CACNB4: variants seen among roughly 807,000 people sequenced by gnomAD.
CACNB4 encodes the protein calcium voltage-gated channel auxiliary subunit beta 4, also known as voltage-dependent L-type calcium channel subunit beta-4.
CACNB4 carries 32 observed loss-of-function variants against 71.2 expected under a neutral mutation model. The ratio of observed to expected loss-of-function variants is 0.45; its 90% CI spans 0.34 to 0.60. CACNB4 has a LOEUF of 0.60. Ranked by LOEUF, CACNB4 falls within the 20% of genes least tolerant of loss-of-function variation. The pLI, the probability that CACNB4 is intolerant of heterozygous loss-of-function variation, is 0.01. For missense variants in CACNB4, 464 were observed against 647.9 expected (o/e 0.72, Z 3.08); for synonymous variants, 231 against 236.9 (o/e 0.97, Z 0.23).
At chr2:151,860,202 T>G (rs1421900337) in intron 10 of CACNB4, 1 of 173,444 alleles carries the variant, frequency 5.8e-6, no homozygotes, top group Non-Finnish European at 1.2e-5. Flanking sequence ...TTCTTCTCCA[T>G]CATGGGGAAT....
chr2:152,053,325 T>TA (rs1408758271), intron 2 of CACNB4, among the ~76,000 whole-genome samples: 1 of 152,054 alleles, frequency 6.6e-6, no homozygotes, highest in Non-Finnish European at 1.5e-5. Flanking sequence ...TGAAGCTCCA[T>TA]AAAAAACCAA....
At chr2:151,947,751 T>C (rs1388846152) in intron 2 of CACNB4, among the ~76,000 whole-genome samples, 1 of 152,170 alleles carries the variant, frequency 6.6e-6, no homozygotes, top group Non-Finnish European at 1.5e-5. Context: ...CAGCACTTCC[T>C]GCAGGCACCT....
intron 2 of CACNB4, among the ~76,000 whole-genome samples, chr2:151,938,157 C>T (rs887313926): frequency 1.1e-4 from 16 of 152,158 alleles, no homozygotes; most frequent in African/African-American, 3.1e-4. Context: ...AATAAACACA[C>T]TGCTTTTGAC....
rs558998873 is a variant in CACNB4, at chr2:151,880,902, G to A, written c.288C>T (p.Ala96=). Residue 96 remains alanine, a synonymous_variant, in exon 4 of 14, where the codon GCC becomes GCT. Transcript: ENST00000539935. ...ERAKSKPVAF[A]VKTNVSYCGA... is the part of the protein sequence containing the mutation. ...CGCAGTAGCTCACATTTGTCTTCAC[G>A]GCAAATGCTACAGGTTTGGACTAGG... 3.7e-5 allele frequency: 59 copies of A among 1,613,046 alleles called. 1 individual carries two copies. The highest frequency in any genetic ancestry group is 3.1e-4 in the South Asian group (28 of 90,828).
intron 2 of CACNB4, among the ~76,000 whole-genome samples, chr2:152,089,620 C>T (rs569971883): frequency 3.7e-4 from 57 of 152,114 alleles, no homozygotes; most frequent in Admixed American, 1.4e-3. Flanking sequence ...GAAGCTCTCT[C>T]TTCCAAAATA....
chr2:151,986,606 T>C (rs1473807481), intron 2 of CACNB4, among the ~76,000 whole-genome samples: 1 of 152,206 alleles, frequency 6.6e-6, no homozygotes, highest in Non-Finnish European at 1.5e-5. Context: ...TCATATAACC[T>C]GGACTTAGGA....
At chr2:152,068,350 C>T (rs1212496261) in intron 2 of CACNB4, among the ~76,000 whole-genome samples, 1 of 152,174 alleles carries the variant, frequency 6.6e-6, no homozygotes, top group East Asian at 1.9e-4. Flanking sequence ...TTTTTAAGAT[C>T]TGCTGCCAGT....
chr2:151,982,416 G>C (rs951845889), intron 2 of CACNB4, among the ~76,000 whole-genome samples: 3 of 151,958 alleles, frequency 2.0e-5, no homozygotes, highest in South Asian at 4.2e-4. Context: ...GGCAGATCAC[G>C]AGGTCAGGAG....
At chr2:152,018,975 G>A (rs867608767) in intron 2 of CACNB4, among the ~76,000 whole-genome samples, 1 of 152,044 alleles carries the variant, frequency 6.6e-6, no homozygotes, top group Admixed American at 6.6e-5. Flanking sequence ...GATGGGGGTG[G>A]GTGAAGTCAA....
At chr2:152,060,586 T>C (rs147373837) in intron 2 of CACNB4, among the ~76,000 whole-genome samples, 2 of 152,322 alleles carry the variant, frequency 1.3e-5, no homozygotes, top group African/African-American at 4.8e-5. Flanking sequence ...GAGGGAGCAG[T>C]GTACATTAGA....
At chr2:151,983,256 T>C (rs181310354) in intron 2 of CACNB4, among the ~76,000 whole-genome samples, 1 of 152,354 alleles carries the variant, frequency 6.6e-6, no homozygotes, top group African/African-American at 2.4e-5. Flanking sequence ...AGTAGATCAT[T>C]ACAAAGAGAA....
At chr2:151,973,762 C>T (rs2099873237) in intron 2 of CACNB4, 1 of 1,598,982 alleles carries the variant, frequency 6.3e-7, no homozygotes, top group Non-Finnish European at 8.5e-7. Flanking sequence ...AACAAAATTG[C>T]TGCAGAAACC....
chr2:151,895,112 A>C (rs1028570841), intron 2 of CACNB4, among the ~76,000 whole-genome samples: 4 of 145,626 alleles, frequency 2.7e-5, no homozygotes, highest in Admixed American at 6.9e-5. Flanking sequence ...ACACACACAC[A>C]CACACACACA....
chr2:152,074,554 C>T (rs533507270), intron 2 of CACNB4, among the ~76,000 whole-genome samples: 2 of 151,596 alleles, frequency 1.3e-5, no homozygotes, highest in South Asian at 2.1e-4. Flanking sequence ...CCACCACAAC[C>T]GTCACCACTG....
chr2:151,945,456 C>T (rs540059100), intron 2 of CACNB4, among the ~76,000 whole-genome samples: 26 of 151,984 alleles, frequency 1.7e-4, no homozygotes, highest in Non-Finnish European at 3.5e-4. Context: ...TGCTTGAGCC[C>T]GGGAGTTCAA....
intron 2 of CACNB4, among the ~76,000 whole-genome samples, chr2:151,914,941 A>T (rs755756563): frequency 6.6e-6 from 1 of 152,138 alleles, no homozygotes; most frequent in Non-Finnish European, 1.5e-5. Context: ...CCCCTGTTGG[A>T]GGGTGTCACC....
At chr2:152,058,238 T>C (rs1011859052) in intron 2 of CACNB4, among the ~76,000 whole-genome samples, 4 of 152,114 alleles carry the variant, frequency 2.6e-5, no homozygotes, top group African/African-American at 9.7e-5. Flanking sequence ...CACAGCAGTA[T>C]GAAAACAGAC....
rs536470851 is a variant in CACNB4, at chr2:151,841,992, T to G, written c.1213A>C (p.Thr405Pro). The change falls in exon 13 of 14, where the codon ACC becomes CCC. Residue 405 changes from threonine (T) to proline (P), a missense_variant. Physicochemically the swap from Thr to Pro is conservative, Grantham distance 38. This residue lies in a region of CACNB4 where 299 missense variants were observed against 471.7 expected (regional missense o/e 0.63). Transcript: ENST00000539935. ...AGCGGGGTCATGGGTGTGCTACTGG[T>G]TGTGTGGGTGGCACGCCAGTACGCC... ...LEAYWRATHT[T>P]SSTPMTPLLG... The G allele has an allele frequency of 9.9e-6, 16 of 1,613,640 alleles. No individual in the cohort carries two copies. The highest frequency in any genetic ancestry group is 1.4e-5 in the Non-Finnish European group (16 of 1,179,728).
chr2:152,050,736 T>C (rs1230886429), intron 2 of CACNB4, among the ~76,000 whole-genome samples: 2 of 152,086 alleles, frequency 1.3e-5, no homozygotes, highest in Non-Finnish European at 2.9e-5. Context: ...TTTTTTTTAA[T>C]GCAGGCATAT....
Sources: allele counts gnomAD v4.1 joint callset (sites outside exome capture counted in the v4.1 genomes callset), GRCh38; gene constraint gnomAD v4.1.1; regional missense constraint gnomAD v4.1.1; transcripts MANE v1.5; gene names NCBI Gene and HGNC (gene_info 2026-07-23, HGNC 2026-07-21).